The following LDLRAD4 variants were observed in gnomAD, a reference collection of about 807,000 sequenced individuals.
The protein encoded by LDLRAD4 is low density lipoprotein receptor class A domain containing 4, also known as low-density lipoprotein receptor class A domain-containing protein 4.
Under a neutral mutation model 17.0 loss-of-function variants are expected in LDLRAD4, and 5 were observed. The ratio of observed to expected loss-of-function variants is 0.29; its 90% CI spans 0.15 to 0.62. The LOEUF (loss-of-function observed/expected upper bound fraction) is 0.62. Ranked by LOEUF, LDLRAD4 falls within the 20% of genes least tolerant of loss-of-function variation. LDLRAD4 has a pLI of 0.84. For missense variants in LDLRAD4, 340 were observed against 424.7 expected, an observed-to-expected ratio of 0.80 and a Z score of 1.75; for synonymous variants, 168 against 171.8, an observed-to-expected ratio of 0.98 and a Z score of 0.17.
intron 3 of LDLRAD4, chr18:13,616,003 G>A (rs1334329346): frequency 1.3e-5 from 2 of 152,156 alleles, no homozygotes; most frequent in Non-Finnish European, 2.9e-5. Context: ...ATTCCTGCGG[G>A]TTTTATTTTT....
At chr18:13,558,894 C>T (rs1430999067) in intron 3 of LDLRAD4, among the ~76,000 whole-genome samples, 5 of 106,714 alleles carry the variant, frequency 4.7e-5, no homozygotes, top group East Asian at 3.2e-4. Flanking sequence ...TCCCCCTGCC[C>T]CTCTACAAGA....
rs913821677 is a variant in LDLRAD4 at position 13,290,043 on chromosome 18, G to A, written c.-383+11855G>A. On this transcript the variant is annotated intron_variant, in intron 1 of 5. Transcript: ENST00000359446. ...CAGACGTGGTGGGCTCAGTAACTGT[G>A]TGGGGCTGTACCCTGTGGGGAGACC... is the stretch of plus-strand genomic sequence containing the variant. Among the ~76,000 whole-genome samples the A allele has an allele frequency of 3.3e-5, 5 of 152,200 alleles. No homozygotes were observed. The East Asian group carries it at 9.6e-4, about 29-fold the overall frequency.
chr18:13,335,545 T>G lies in LDLRAD4; in HGVS notation c.-382-51796T>G, dbSNP rs1223100300. ...ATTACATTTAGATTTGGTTGACCAC[T>G]TTAATCATCACATTTGTTTTAATCT... On this transcript the variant is annotated intron_variant, in intron 1 of 5. Transcript: ENST00000359446. Among the ~76,000 whole-genome samples the G allele has an allele frequency of 2.6e-5, 4 of 152,362 alleles. No individual in the cohort carries two copies. The East Asian group carries it at 7.7e-4, about 29-fold the overall frequency.
At chr18:13,574,761 G>A (rs1480780165) in intron 3 of LDLRAD4, among the ~76,000 whole-genome samples, 5 of 152,218 alleles carry the variant, frequency 3.3e-5, no homozygotes, top group Non-Finnish European at 7.3e-5. Context: ...ATTGTGAAGT[G>A]TTGGAAACAA....
In LDLRAD4 at chr18:13,473,983, T is replaced by C. The variant is rs550837134; in HGVS notation, c.181+35599T>C. Among the ~76,000 whole-genome samples the C allele has an allele frequency of 2.0e-5, 3 of 152,172 alleles. No individual in the cohort carries two copies. The East Asian group carries it at 5.8e-4, about 29-fold the overall frequency. The stretch of plus-strand genomic sequence containing the variant: ...GTTGGACCATGGGGGTGGTTTCTTG[T>C]GAATGACTTAGCACCATCTGTTTGG... On this transcript the variant is annotated intron_variant, in intron 3 of 5. Coordinates refer to ENST00000359446, the Ensembl canonical transcript of LDLRAD4.
intron 1 of LDLRAD4, among the ~76,000 whole-genome samples, chr18:13,386,938 AGATAGATAGATGGATGGATG>A (rs144443809): frequency 0.022 from 2,844 of 128,382 alleles, 43 homozygotes; most frequent in East Asian, 0.069. Flanking sequence ...ATAGATAGAT[AGATAGATAGATGGATGGATG>A]GATAGATAAG....
chr18:13,344,582 A>G (rs774373583), intron 1 of LDLRAD4, among the ~76,000 whole-genome samples: 1 of 152,180 alleles, frequency 6.6e-6, no homozygotes, highest in African/African-American at 2.4e-5. Flanking sequence ...TTTTAGTTCC[A>G]TGTGAACTTT....
At chr18:13,333,770 A>G (rs920804203) in intron 1 of LDLRAD4, among the ~76,000 whole-genome samples, 1 of 152,040 alleles carries the variant, frequency 6.6e-6, no homozygotes, top group Non-Finnish European at 1.5e-5. Context: ...CTATTTGTCT[A>G]TTTTTCATCA....
In LDLRAD4 at chr18:13,386,952, AT is replaced by A. The variant is rs1568083099; in HGVS notation, c.-382-388del. On this transcript the variant is annotated intron_variant, in intron 1 of 5. Coordinates refer to ENST00000359446, the Ensembl canonical transcript of LDLRAD4. ...GATAGATAGATAGATAGATAGATGG[AT>A]GGATGGATAGATAAGATAGATAGAT... Among the ~76,000 whole-genome samples, 3 of 120,780 alleles carry A rather than the reference AT, an allele frequency of 2.5e-5. No individual in the cohort carries two copies. The East Asian group carries it at 8.7e-4, about 35-fold the overall frequency. The allele number at this position is 120,780 out of a possible 152,430, so 79.2% of individuals were successfully genotyped here. A position where few individuals can be genotyped will look rare whatever the true frequency, so the allele number is the denominator to read the frequency against.
chr18:13,284,869 G>A (rs1243363653), intron 1 of LDLRAD4, among the ~76,000 whole-genome samples: 1 of 152,250 alleles, frequency 6.6e-6, no homozygotes, highest in Non-Finnish European at 1.5e-5. Flanking sequence ...TGGTGCCAGT[G>A]TTAACAGACT....
At chr18:13,298,422 A>G (rs2046390916) in intron 1 of LDLRAD4, among the ~76,000 whole-genome samples, 1 of 146,562 alleles carries the variant, frequency 6.8e-6, no homozygotes, top group South Asian at 2.2e-4. Context: ...TGCTCCAGGT[A>G]TGGTGATGGA....
At chr18:13,314,655 G>A (rs1020756886) in intron 1 of LDLRAD4, among the ~76,000 whole-genome samples, 14 of 152,190 alleles carry the variant, frequency 9.2e-5, no homozygotes, top group Admixed American at 3.9e-4. Context: ...GATAGGTGAA[G>A]AACAAAACAG....
chr18:13,411,146 G>A (rs2088299389), intron 2 of LDLRAD4, among the ~76,000 whole-genome samples: 1 of 151,934 alleles, frequency 6.6e-6, no homozygotes, highest in Non-Finnish European at 1.5e-5. Context: ...CAGCTACTTG[G>A]GAAGCTGAGG....
At chr18:13,279,075 TG>T (rs1335577160) in intron 1 of LDLRAD4, among the ~76,000 whole-genome samples, 1 of 152,182 alleles carries the variant, frequency 6.6e-6, no homozygotes, top group Non-Finnish European at 1.5e-5. Context: ...GGGTTCTGTG[TG>T]GGGGCAGCTC....
intron 3 of LDLRAD4, among the ~76,000 whole-genome samples, chr18:13,497,353 T>C (rs186463269): frequency 2.0e-4 from 30 of 151,304 alleles, no homozygotes; most frequent in African/African-American, 7.0e-4. Context: ...ATTTGTTTGT[T>C]TTTTTTGTAG....
intron 3 of LDLRAD4, among the ~76,000 whole-genome samples, chr18:13,548,354 A>G (rs1474243569): frequency 6.6e-6 from 1 of 152,114 alleles, no homozygotes; most frequent in East Asian, 1.9e-4. Flanking sequence ...TGTTCATGGC[A>G]TTCATGGCGC....
At chr18:13,530,845 G>GC (rs1489636452) in intron 3 of LDLRAD4, among the ~76,000 whole-genome samples, 3 of 113,824 alleles carry the variant, frequency 2.6e-5, no homozygotes, top group African/African-American at 1.0e-4. Flanking sequence ...TTGGTGAGCA[G>GC]CCCCCGCAGA....
intron 1 of LDLRAD4, among the ~76,000 whole-genome samples, chr18:13,317,514 C>T (rs2143080192): frequency 6.6e-6 from 1 of 152,308 alleles, no homozygotes; most frequent in East Asian, 1.9e-4. Context: ...AATTGGTTAT[C>T]CTTTATCTTT....
chr18:13,388,715 G>T (rs1320929039), intron 2 of LDLRAD4, among the ~76,000 whole-genome samples: 1 of 152,250 alleles, frequency 6.6e-6, no homozygotes, highest in Non-Finnish European at 1.5e-5. Flanking sequence ...CTCCTAGACA[G>T]CCTTGCACTC....
Sources: allele counts gnomAD v4.1 joint callset (sites outside exome capture counted in the v4.1 genomes callset), GRCh38; gene constraint gnomAD v4.1.1; transcripts MANE v1.5; gene names NCBI Gene and HGNC (gene_info 2026-07-23, HGNC 2026-07-21).